The following BCAN variants were observed in gnomAD, a reference collection of about 807,000 sequenced individuals.
The protein encoded by BCAN is brevican.
A neutral mutation model predicts 92.4 loss-of-function variants in BCAN; 51 were observed. The observed-to-expected ratio is 0.55, with a 90% CI of 0.44 to 0.70. BCAN has a LOEUF of 0.70. BCAN is among the 30% of genes least tolerant of loss of function. BCAN has a pLI of 0.00. For synonymous variants in BCAN, 501 were observed against 505.2 expected (o/e 0.99, Z 0.11); for missense variants, 1,140 against 1,212.1 (o/e 0.94, Z 0.88).
At chr1:156,648,942 C>G in intron 6 of BCAN, 81 bp downstream of exon 6, 1 of 1,426,480 alleles carries the variant, frequency 7.0e-7, no homozygotes, top group Non-Finnish European at 9.4e-7. Flanking sequence ...CCAGTCTGAT[C>G]AGTTTAGCTC....
Position 156,652,754 on chromosome 1 carries a change from G to A in BCAN, c.1804G>A (p.Glu602Lys). ...CCTGCTTCCAGCCACACGGGCCCCTGAGGGTACCAGGGAGCTGGAGGCCCC... is the reference window on the plus strand; with the variant it reads ...CCTGCTTCCAGCCACACGGGCCCCTAAGGGTACCAGGGAGCTGGAGGCCCC... ...PSLLPATRAPEGTRELEAPSE... is the reference protein window; with the variant it reads ...PSLLPATRAPKGTRELEAPSE... The change falls in exon 8 of 14, where the codon GAG (glutamate) becomes AAG (lysine). Residue 602 changes from glutamate to lysine, a missense_variant. Around this residue, in one of 3 missense-constraint regions of BCAN, gnomAD observed 825 missense variants for 871.8 expected, o/e 0.95. Coordinates refer to ENST00000329117, the MANE Select transcript of BCAN (RefSeq NM_021948.5). 6.2e-7 allele frequency: 1 copy of A among 1,609,140 alleles called. No homozygotes were observed. The highest frequency in any genetic ancestry group is 1.1e-5 in the South Asian group (1 of 90,682).
chr1:156,656,487 C>A, intron 9 of BCAN, 98 bp downstream of exon 9: 1 of 939,426 alleles, frequency 1.1e-6, no homozygotes, highest in South Asian at 3.2e-5. Context: ...TTGGCCTTGT[C>A]ATTAATGAGT....
rs1464730434 is a variant in BCAN, at chr1:156,652,793, T to G, written c.1843T>G (p.Ser615Ala). 2 of 1,613,008 alleles carry G rather than the reference T, an allele frequency of 1.2e-6. No homozygotes were observed. The highest frequency in any genetic ancestry group is 2.2e-5 in the South Asian group (2 of 91,002). The change falls in exon 8 of 14, where the codon TCT becomes GCT. Residue 615 changes from serine to alanine, a missense_variant. Around this residue, in one of 3 missense-constraint regions of BCAN, gnomAD observed 825 missense variants for 871.8 expected, o/e 0.95. Coordinates refer to ENST00000329117, the MANE Select transcript of BCAN (RefSeq NM_021948.5). ...GCTGGAGGCCCCCTCTGAAGATAAT[T>G]CTGGAAGAACTGCCCCAGCAGGGAC... is the stretch of plus-strand genomic sequence containing the variant. ...RELEAPSEDN[S>A]GRTAPAGTSV...
chr1:156,656,748 C>T (rs894370643), intron 9 of BCAN, 190 bp from the exon 10 acceptor site: 2 of 730,498 alleles, frequency 2.7e-6, no homozygotes, highest in Non-Finnish European at 4.3e-6. Context: ...AAGGCACCAG[C>T]GCCCCTGCCC....
chr1:156,657,270 C>A, intron 10 of BCAN, 174 bp downstream of exon 10: 1 of 953,522 alleles, frequency 1.0e-6, no homozygotes, highest in Non-Finnish European at 1.5e-6. Flanking sequence ...CCACCCTACG[C>A]TTAGGCAGTG....
rs1679417192 is a variant in BCAN at position 156,658,511 on chromosome 1, C to T, written c.2438-32C>T. 6.3e-7 allele frequency: 1 copy of T among 1,596,288 alleles called. No individual in the cohort carries two copies. Among genetic ancestry groups the T allele is most frequent in the East Asian group, 2.2e-5 (1 of 44,526 alleles). The stretch of plus-strand genomic sequence containing the variant: ...TTCTGGGAACTGTCACCCACAGAGC[C>T]AGGCTCAGTTCCTAACTGTCTTCCT... On this transcript the variant is annotated intron_variant, in intron 12 of 13. Coordinates refer to ENST00000329117, the MANE Select transcript of BCAN (RefSeq NM_021948.5). This position sits in a 1 kb window ranked among gnomAD's most constrained non-coding sequence, Gnocchi z 4.4.
rs776289609 is a variant in BCAN, at chr1:156,658,692, C to T, written c.2587C>T (p.Arg863Cys). Residue 863 changes from arginine to cysteine, a missense_variant, in exon 13 of 14, where the codon CGT becomes TGT. Around this residue, in one of 3 missense-constraint regions of BCAN, gnomAD observed 825 missense variants for 871.8 expected, o/e 0.95. Transcript: ENST00000329117. This position sits in a 1 kb window ranked among gnomAD's most constrained non-coding sequence, Gnocchi z 4.4. The part of the protein sequence containing the change: ...LPLIRCQENG[R>C]WEAPQISCVP... ...GCTGATCCGATGCCAAGAGAACGGT[C>T]GTTGGGAGGCCCCCCAGATCTCCTG... is the stretch of plus-strand genomic sequence containing the variant. The T allele has an allele frequency of 7.4e-6, 12 of 1,614,010 alleles. No individual in the cohort carries two copies. The highest frequency in any genetic ancestry group is 3.3e-5 in the Admixed American group (2 of 60,014).
At position 156,646,968 on chromosome 1, in the gene BCAN, G is replaced by A; in HGVS notation, c.259G>A (p.Glu87Lys). ...VKWTFLSRGR[E>K]AEVLVARGVR... ...GTGGACTTTCCTGTCCCGGGGCCGGGAGGCAGAGGTGCTGGTGGCGCGGGG... is the reference window on the plus strand; with the variant it reads ...GTGGACTTTCCTGTCCCGGGGCCGGAAGGCAGAGGTGCTGGTGGCGCGGGG... The change falls in exon 3 of 14, where the codon GAG (glutamate) becomes AAG (lysine). Residue 87 changes from glutamate to lysine, a missense_variant. Physicochemically the swap from Glu to Lys is moderately conservative, Grantham distance 56. Coordinates refer to ENST00000329117, the MANE Select transcript of BCAN (RefSeq NM_021948.5). 6.2e-7 allele frequency: 1 copy of A among 1,612,966 alleles called. No individual in the cohort carries two copies.
At position 156,652,243 on chromosome 1, in the gene BCAN, C is replaced by G. The variant is rs370780755; in HGVS notation, c.1298-5C>G. On this transcript the variant is annotated splice_polypyrimidine_tract_variant and splice_region_variant and intron_variant, in intron 7 of 13. Transcript: ENST00000329117. ...CTGGTGCTGAACCGTTTGTGCTTTG[C>G]CTAGAATTTGAAACACAATCCATGG... 1.3e-5 allele frequency: 20 copies of G among 1,579,274 alleles called. No homozygotes were observed. The African/African-American group carries it at 2.4e-4, about 19-fold the overall frequency.
chr1:156,646,654 TGGCC>T, intron 2 of BCAN, 143 bp from the exon 3 acceptor site: 1 of 575,252 alleles, frequency 1.7e-6, no homozygotes, highest in Non-Finnish European at 2.3e-6. Flanking sequence ...TGCAGGACCC[TGGCC>T]CCTGGCCCCT....
intron 6 of BCAN, 120 bp downstream of exon 6, chr1:156,648,981 GT>G: frequency 8.5e-7 from 1 of 1,176,724 alleles, no homozygotes; most frequent in Non-Finnish European, 1.2e-6. Context: ...TGAAGTGGTC[GT>G]GGGTGAAGTC....
Position 156,650,125 on chromosome 1 carries a change from G to GGTAGTA in BCAN, c.1063+1286_1063+1291dup, listed in dbSNP as rs376981111. Among the ~76,000 whole-genome samples, 178 of 151,538 alleles carry GGTAGTA rather than the reference G, an allele frequency of 1.2e-3. 1 individual carries two copies. Among genetic ancestry groups the GGTAGTA allele is most frequent in the Middle Eastern group, 6.9e-3 (2 of 288 alleles). On this transcript the variant is annotated intron_variant, in intron 6 of 13. Transcript: ENST00000329117. ...ATCTGAAAAGACCTCCTGGAACAGGGGTAGTAGTAGTAGTAGTAGTAGTAG... is the reference window on the plus strand; with the variant it reads ...ATCTGAAAAGACCTCCTGGAACAGGGGTAGTAGTAGTAGTAGTAGTAGTAGTAGTAG...
At position 156,647,322 on chromosome 1, in the gene BCAN, T is replaced by C; in HGVS notation, c.466+147T>C. On this transcript the variant is annotated intron_variant, in intron 3 of 13. Transcript: ENST00000329117. This position sits in a 1 kb window ranked among gnomAD's most constrained non-coding sequence, Gnocchi z 4.8. ...AAAAAGAGTGAGGAGACACGGGCCT[T>C]TGTTGTCTCCTTTCTCTCTTCAGGT... is the stretch of plus-strand genomic sequence containing the variant. The C allele has an allele frequency of 8.6e-7, 1 of 1,157,336 alleles. No homozygotes were observed. The highest frequency in any genetic ancestry group is 1.2e-6 in the Non-Finnish European group (1 of 837,542). The allele number at this position is 1,157,336 out of a possible 1,614,324, so 71.7% of individuals were successfully genotyped here.
At chr1:156,649,790 A>C (rs1055593058) in intron 6 of BCAN, 7 of 493,010 alleles carry the variant, frequency 1.4e-5, no homozygotes, top group Non-Finnish European at 2.8e-5. Flanking sequence ...GGTGACCGAC[A>C]ATAAGAGAGG....
chr1:156,647,819 G>A lies in BCAN; in HGVS notation c.641+137G>A. On this transcript the variant is annotated intron_variant, in intron 4 of 13. Coordinates refer to ENST00000329117, the MANE Select transcript of BCAN (RefSeq NM_021948.5). This position sits in a 1 kb window ranked among gnomAD's most constrained non-coding sequence, Gnocchi z 4.8. ...CTGGGGGATGAGGCTGGTCTGAGGA[G>A]GGGAGGTGAGGACCCTGAGCATGTG... The A allele has an allele frequency of 6.6e-7, 1 of 1,526,528 alleles. No individual in the cohort carries two copies. The highest frequency in any genetic ancestry group is 9.0e-7 in the Non-Finnish European group (1 of 1,106,908). 94.6% of individuals were successfully genotyped at this position (1,526,528 alleles called of 1,614,324 possible).
Position 156,652,763 on chromosome 1 carries a change from A to C in BCAN, c.1813A>C (p.Arg605=), listed in dbSNP as rs1679216809. 6.2e-7 allele frequency: 1 copy of C among 1,610,276 alleles called. No homozygotes were observed. The highest frequency in any genetic ancestry group is 1.3e-5 in the African/African-American group (1 of 74,826). ...LPATRAPEGT[R]ELEAPSEDNS... is the part of the protein sequence containing the mutation. ...AGCCACACGGGCCCCTGAGGGTACCAGGGAGCTGGAGGCCCCCTCTGAAGA... is the reference window on the plus strand; with the variant it reads ...AGCCACACGGGCCCCTGAGGGTACCCGGGAGCTGGAGGCCCCCTCTGAAGA... The change falls in exon 8 of 14, where the codon AGG becomes CGG. Residue 605 remains arginine (R), a synonymous_variant. Coordinates refer to ENST00000329117, the MANE Select transcript of BCAN (RefSeq NM_021948.5).
rs760967740 is a variant in BCAN, at chr1:156,658,171, G to C, written c.2337G>C (p.Leu779=). ...WNPGQPDSYF[L]SGENCVVMVW... ...CTGGGCAGCCTGACAGCTACTTCCT[G>C]TCTGGAGAGAACTGCGTGGTCATGG... The change falls in exon 12 of 14, where the codon CTG becomes CTC. Residue 779 remains leucine, a synonymous_variant. Coordinates refer to ENST00000329117, the MANE Select transcript of BCAN (RefSeq NM_021948.5). This position sits in a 1 kb window ranked among gnomAD's most constrained non-coding sequence, Gnocchi z 4.4. 6.2e-7 allele frequency: 1 copy of C among 1,614,120 alleles called. No individual in the cohort carries two copies. Among genetic ancestry groups the C allele is most frequent in the Non-Finnish European group, 8.5e-7 (1 of 1,180,030 alleles).
chr1:156,659,252 T>G lies in BCAN; in HGVS notation c.*118T>G. 2.6e-6 allele frequency: 2 copies of G among 764,364 alleles called. No individual in the cohort carries two copies. Among genetic ancestry groups the G allele is most frequent in the Non-Finnish European group, 4.1e-6 (2 of 493,800 alleles). The allele number at this position is 764,364 out of a possible 1,614,324, so 47.3% of individuals were successfully genotyped here. A position where few individuals can be genotyped will look rare whatever the true frequency, so the allele number is the denominator to read the frequency against. On this transcript the variant is annotated 3_prime_UTR_variant, in exon 14 of 14. Coordinates refer to ENST00000329117, the MANE Select transcript of BCAN (RefSeq NM_021948.5). ...AACATGACGAGGGGTGGTACTGGAG[T>G]CCAGGTGACAGTTCCTGAAGGGGCT... is the stretch of plus-strand genomic sequence containing the variant.
chr1:156,656,101 C>T (rs574781504), intron 8 of BCAN, among the ~76,000 whole-genome samples, 181 bp from the exon 9 acceptor site: 1 of 152,194 alleles, frequency 6.6e-6, no homozygotes, highest in East Asian at 1.9e-4. Flanking sequence ...GGAAAGAAAC[C>T]CAGAACTCAG....
Sources: allele counts gnomAD v4.1 joint callset (sites outside exome capture counted in the v4.1 genomes callset), GRCh38; gene constraint gnomAD v4.1.1; regional missense constraint gnomAD v4.1.1; non-coding constraint Gnocchi (gnomAD v3.1); transcripts MANE v1.5; gene names NCBI Gene and HGNC (gene_info 2026-07-23, HGNC 2026-07-21).